The following FUT9 variants were observed in gnomAD, a reference collection of about 807,000 sequenced individuals.
FUT9 encodes 4-galactosyl-N-acetylglucosaminide 3-alpha-L-fucosyltransferase 9.
A neutral mutation model predicts 29.7 loss-of-function variants in FUT9; 15 were observed. The ratio of observed to expected loss-of-function variants is 0.51; its 90% CI spans 0.34 to 0.78. The LOEUF is 0.78. Among genes scored for constraint, FUT9 ranks in the 30% least tolerant of loss-of-function variants. The pLI is 0.01. For missense variants in FUT9, 319 were observed against 425.4 expected, an observed-to-expected ratio of 0.75 and a Z score of 2.20; for synonymous variants, 169 against 153.7, an observed-to-expected ratio of 1.10 and a Z score of -0.74.
chr6:96,174,603 T>C (rs1445203687), intron 2 of FUT9, among the ~76,000 whole-genome samples: 10 of 152,078 alleles, frequency 6.6e-5, no homozygotes, highest in Admixed American at 5.9e-4. Context: ...GGTCTCTAAA[T>C]AAGAGGCTCA....
rs34943333 is a variant in FUT9, at chr6:96,129,101, CAA to C, written c.-9+14988_-9+14989del. Among the ~76,000 whole-genome samples, 959 of 134,496 alleles carry C rather than the reference CAA, an allele frequency of 7.1e-3. 13 individuals are homozygous for C. Among genetic ancestry groups the C allele is most frequent in the African/African-American group, 0.026 (910 of 35,516 alleles). 88.2% of individuals were successfully genotyped at this position (134,496 alleles called of 152,430 possible). ...TGAAACCCTGTCTCTACTAAAAATA[CAA>C]AAAAAAAAAAAAATAGCTGGGCGTG... On this transcript the variant is annotated intron_variant, in intron 2 of 2. Coordinates refer to ENST00000302103, the MANE Select transcript of FUT9 (RefSeq NM_006581.4).
At chr6:96,155,665 T>A (rs1450936648) in intron 2 of FUT9, among the ~76,000 whole-genome samples, 4 of 143,474 alleles carry the variant, frequency 2.8e-5, no homozygotes, top group Admixed American at 7.1e-5. Context: ...AGAGTGAGAC[T>A]CCGTTTAAAA....
chr6:96,212,155 T>A lies in FUT9; in HGVS notation c.*7920T>A. The A allele has an allele frequency of 2.4e-6, 1 of 412,532 alleles. No homozygotes were observed. Among genetic ancestry groups the A allele is most frequent in the Non-Finnish European group, 4.4e-6 (1 of 225,622 alleles). The allele number at this position is 412,532 out of a possible 1,614,324, so 25.6% of individuals were successfully genotyped here. A position where few individuals can be genotyped will look rare whatever the true frequency, so the allele number is the denominator to read the frequency against. ...TTAACAACCCAGGACTACCACTCAT[T>A]ATGTGAGAAATATGGGCCAGAGTTA... On this transcript the variant is annotated 3_prime_UTR_variant, in exon 3 of 3. Coordinates refer to ENST00000302103, the MANE Select transcript of FUT9 (RefSeq NM_006581.4).
intron 2 of FUT9, among the ~76,000 whole-genome samples, chr6:96,135,600 C>A (rs1443226057): frequency 6.6e-6 from 1 of 151,562 alleles, no homozygotes; most frequent in Non-Finnish European, 1.5e-5. Context: ...TAAAGACATG[C>A]ACAGCAAATG....
intron 2 of FUT9, among the ~76,000 whole-genome samples, chr6:96,152,503 A>G (rs1409714465): frequency 1.3e-5 from 2 of 152,192 alleles, no homozygotes; most frequent in Non-Finnish European, 2.9e-5. Flanking sequence ...TGCTCCTGGT[A>G]CACGGCAACT....
chr6:96,176,096 G>A (rs1773197906), intron 2 of FUT9, among the ~76,000 whole-genome samples: 1 of 152,174 alleles, frequency 6.6e-6, no homozygotes. Flanking sequence ...AGACTCCAGG[G>A]CTTGCGCCCC....
At position 96,153,428 on chromosome 6, in the gene FUT9, ACTT is replaced by A. The variant is rs543149126; in HGVS notation, c.-9+39307_-9+39309del. ...TTTGGGGGATATTGGAAAAACTAAC[ACTT>A]CTTCTAAGTGTGCAGGATTCTCTTG... On this transcript the variant is annotated intron_variant, in intron 2 of 2. Coordinates refer to ENST00000302103, the MANE Select transcript of FUT9 (RefSeq NM_006581.4). 1.6e-3 allele frequency among the ~76,000 whole-genome samples: 242 copies of A among 152,268 alleles called. 1 individual carries two copies. The highest frequency in any genetic ancestry group is 2.9e-3 in the Non-Finnish European group (198 of 68,024).
chr6:96,024,585 C>T (rs1770131026), intron 1 of FUT9, among the ~76,000 whole-genome samples: 1 of 151,676 alleles, frequency 6.6e-6, no homozygotes, highest in Non-Finnish European at 1.5e-5. Context: ...GGTTTGTGAC[C>T]TCTGGCTGAC....
chr6:96,102,836 A>C (rs1328818444), intron 1 of FUT9, among the ~76,000 whole-genome samples: 1 of 152,168 alleles, frequency 6.6e-6, no homozygotes, highest in African/African-American at 2.4e-5. Flanking sequence ...TTCCCATTAT[A>C]CCAGAGAGAA....
chr6:96,077,988 TC>T (rs1771168526), intron 1 of FUT9, among the ~76,000 whole-genome samples: 1 of 152,218 alleles, frequency 6.6e-6, no homozygotes. Flanking sequence ...AACGTTACTT[TC>T]TTAGGTATTC....
In FUT9 at chr6:96,213,041, C is replaced by T. The variant is rs1385839946; in HGVS notation, c.*8806C>T. 6.0e-6 allele frequency: 1 copy of T among 166,872 alleles called. No individual in the cohort carries two copies. The highest frequency in any genetic ancestry group is 1.5e-5 in the Non-Finnish European group (1 of 68,004). 10.3% of individuals were successfully genotyped at this position (166,872 alleles called of 1,614,324 possible). On this transcript the variant is annotated 3_prime_UTR_variant, in exon 3 of 3. Coordinates refer to ENST00000302103, the MANE Select transcript of FUT9 (RefSeq NM_006581.4). Reference sequence around the variant, plus strand: ...AATCTTGATGAATTGGTTAGAAATTCTAATTTAATTAGCCTGGCACAGTGC... The same window carrying T: ...AATCTTGATGAATTGGTTAGAAATTTTAATTTAATTAGCCTGGCACAGTGC...
intron 1 of FUT9, among the ~76,000 whole-genome samples, chr6:96,069,626 TATTTTTTA>T (rs142849135): frequency 0.53 from 79,784 of 149,892 alleles, 21,250 homozygotes; most frequent in East Asian, 0.59. Flanking sequence ...TTTATTTTTT[TATTTTTTA>T]TTTTATTTTT....
At chr6:96,019,326 A>G (rs1198572126) in intron 1 of FUT9, among the ~76,000 whole-genome samples, 2 of 151,986 alleles carry the variant, frequency 1.3e-5, no homozygotes, top group Non-Finnish European at 2.9e-5. Context: ...TTATACTCTA[A>G]TATATATTTC....
At chr6:96,142,236 T>C (rs9386334) in intron 2 of FUT9, among the ~76,000 whole-genome samples, 26,680 of 152,186 alleles carry the variant, frequency 0.18, 2,715 homozygotes, top group East Asian at 0.31. Flanking sequence ...ACAGCTGCTT[T>C]TTGTATTAAC....
intron 2 of FUT9, among the ~76,000 whole-genome samples, chr6:96,144,225 AT>A (rs5878416): frequency 0.91 from 137,572 of 151,948 alleles, 63,836 homozygotes; most frequent in Non-Finnish European, 1. Flanking sequence ...TTCCTTAGTG[AT>A]TTTTTTTTCC....
chr6:96,210,164 T>C lies in FUT9; in HGVS notation c.*5929T>C, dbSNP rs2127993415. ...TTTTGAGGTTTTCATCCCACCTGTTTAGATGGGTAGTATTCTATTAAATAT... is the reference window on the plus strand; with the variant it reads ...TTTTGAGGTTTTCATCCCACCTGTTCAGATGGGTAGTATTCTATTAAATAT... On this transcript the variant is annotated 3_prime_UTR_variant, in exon 3 of 3. Transcript: ENST00000302103. 6.0e-6 allele frequency: 1 copy of C among 167,056 alleles called. No homozygotes were observed. The highest frequency in any genetic ancestry group is 1.9e-4 in the East Asian group (1 of 5,190). The allele number at this position is 167,056 out of a possible 1,614,324, so 10.3% of individuals were successfully genotyped here. A position where few individuals can be genotyped will look rare whatever the true frequency, so the allele number is the denominator to read the frequency against.
rs1389232311 is a variant in FUT9 at position 96,211,855 on chromosome 6, T to A, written c.*7620T>A. The A allele has an allele frequency of 2.7e-6, 1 of 376,692 alleles. No individual in the cohort carries two copies. The highest frequency in any genetic ancestry group is 2.1e-5 in the African/African-American group (1 of 47,874). The allele number at this position is 376,692 out of a possible 1,614,324, so 23.3% of individuals were successfully genotyped here. On this transcript the variant is annotated 3_prime_UTR_variant, in exon 3 of 3. Transcript: ENST00000302103. The stretch of plus-strand genomic sequence containing the variant: ...AGAAATGTCTGTTATGTCAGTAACA[T>A]TAGAAAACTTCAAAAACTGATTTAT...
At chr6:96,145,441 G>A (rs1772548404) in intron 2 of FUT9, among the ~76,000 whole-genome samples, 1 of 152,182 alleles carries the variant, frequency 6.6e-6, no homozygotes, top group South Asian at 2.1e-4. Flanking sequence ...AGAGGATACA[G>A]CAGAGAATGA....
Position 96,212,563 on chromosome 6 carries a change from G to A in FUT9, c.*8328G>A, listed in dbSNP as rs11969261. 4.3e-3 allele frequency: 1,707 copies of A among 392,542 alleles called. 29 individuals carry two copies. Among genetic ancestry groups the A allele is most frequent in the African/African-American group, 0.033 (1,578 of 48,266 alleles). 24.3% of individuals were successfully genotyped at this position (392,542 alleles called of 1,614,324 possible). A position where few individuals can be genotyped will look rare whatever the true frequency, so the allele number is the denominator to read the frequency against. ...AAAAAAGAACTTTCAGCTTAATCGG[G>A]GTTAAGGGAGTAATTGTGACAATAT... On this transcript the variant is annotated 3_prime_UTR_variant, in exon 3 of 3. Coordinates refer to ENST00000302103, the MANE Select transcript of FUT9 (RefSeq NM_006581.4).
Sources: allele counts gnomAD v4.1 joint callset (sites outside exome capture counted in the v4.1 genomes callset), GRCh38; gene constraint gnomAD v4.1.1; transcripts MANE v1.5; gene names NCBI Gene and HGNC (gene_info 2026-07-23, HGNC 2026-07-21).